CAB39: variants seen among roughly 807,000 people sequenced by gnomAD.
CAB39 encodes the protein calcium binding protein 39, also known as calcium-binding protein 39.
CAB39 carries 8 observed loss-of-function variants against 40.0 expected under a neutral mutation model. That is an observed-to-expected ratio of 0.20 (90% CI 0.12 to 0.36). The LOEUF is 0.36. CAB39 is among the 10% of genes least tolerant of loss of function. CAB39 has a pLI of 1.00. For synonymous variants in CAB39, 156 were observed against 141.6 expected, an observed-to-expected ratio of 1.10 and a Z score of -0.72; for missense variants, 270 against 401.1, an observed-to-expected ratio of 0.67 and a Z score of 2.79.
intron 1 of CAB39, among the ~76,000 whole-genome samples, chr2:230,731,904 C>T (rs1224001882): frequency 2.0e-5 from 3 of 152,150 alleles, no homozygotes; most frequent in African/African-American, 7.2e-5. Flanking sequence ...TTAGCTTTTT[C>T]GAACTTCGTG....
intron 2 of CAB39, among the ~76,000 whole-genome samples, chr2:230,782,161 C>G (rs1025426221): frequency 6.6e-6 from 1 of 152,196 alleles, no homozygotes. Flanking sequence ...CCACCACTCC[C>G]GGCCACAACC....
At chr2:230,743,754 ACTG>A (rs1694924249) in intron 1 of CAB39, among the ~76,000 whole-genome samples, 1 of 152,150 alleles carries the variant, frequency 6.6e-6, no homozygotes, top group Non-Finnish European at 1.5e-5. Flanking sequence ...ACATTTGAAA[ACTG>A]CTGATTGGGG....
chr2:230,759,075 C>G (rs1196976642), intron 1 of CAB39, among the ~76,000 whole-genome samples: 1 of 152,188 alleles, frequency 6.6e-6, no homozygotes, highest in African/African-American at 2.4e-5. Flanking sequence ...TTAAGAACTT[C>G]TAGAAGTTCA....
chr2:230,818,070 C>T lies in CAB39; in HGVS notation c.837+173C>T, dbSNP rs572022486. ...TTAAACAGAAAGGTAGACCTGGAAA[C>T]GGGTTACTGTTTGGATCTGGGAACG... is the stretch of plus-strand genomic sequence containing the variant. On this transcript the variant is annotated intron_variant, in intron 8 of 8. Transcript: ENST00000258418. 3.7e-5 allele frequency: 22 copies of T among 593,490 alleles called. 1 individual carries two copies. The South Asian group carries it at 4.3e-4, about 11-fold the overall frequency. The allele number at this position is 593,490 out of a possible 1,614,324, so 36.8% of individuals were successfully genotyped here.
chr2:230,754,102 G>A (rs1695137821), intron 1 of CAB39, among the ~76,000 whole-genome samples: 1 of 152,144 alleles, frequency 6.6e-6, no homozygotes, highest in Non-Finnish European at 1.5e-5. Flanking sequence ...GCTGTGAGTT[G>A]GAGATAGGTA....
At chr2:230,780,242 A>G (rs72995219) in intron 2 of CAB39, among the ~76,000 whole-genome samples, 268 of 152,356 alleles carry the variant, frequency 1.8e-3, no homozygotes, top group Non-Finnish European at 3.0e-3. Flanking sequence ...AAGATTATTG[A>G]TGAACTTATC....
chr2:230,800,586 G>A (rs1696072428), intron 5 of CAB39, among the ~76,000 whole-genome samples: 1 of 152,192 alleles, frequency 6.6e-6, no homozygotes, highest in Non-Finnish European at 1.5e-5. Context: ...TGCCATGAAG[G>A]GCGGTGTAGC....
chr2:230,786,188 AGAGAT>A (rs1301218988), intron 2 of CAB39, among the ~76,000 whole-genome samples: 2 of 146,706 alleles, frequency 1.4e-5, no homozygotes, highest in Non-Finnish European at 1.5e-5. Flanking sequence ...AAAAAAAAAA[AGAGAT>A]GGAGTCTCAC....
Position 230,791,030 on chromosome 2 carries a change from CTT to C in CAB39, c.275_276del (p.Phe92Ter). 1 of 1,578,364 alleles carries C rather than the reference CTT, an allele frequency of 6.3e-7. No individual in the cohort carries two copies. The highest frequency in any genetic ancestry group is 8.6e-7 in the Non-Finnish European group (1 of 1,167,808). On this transcript the variant is annotated frameshift_variant, in exon 3 of 9. Coordinates refer to ENST00000258418, the MANE Select transcript of CAB39 (RefSeq NM_016289.4). LOFTEE classifies it high-confidence loss of function. ...TLVADLQLID[F>X]EGKKDVAQIF... ...TGGTAGCTGATTTACAGCTCATTGA[CTT>C]TGAGGTAAGAAATCAATTTCTTATT...
chr2:230,805,692 AG>A (rs1696180458), intron 5 of CAB39, among the ~76,000 whole-genome samples: 1 of 152,252 alleles, frequency 6.6e-6, no homozygotes, highest in Non-Finnish European at 1.5e-5. Flanking sequence ...CATCACAACA[AG>A]GATATGCTAG....
chr2:230,725,079 A>T, intron 1 of CAB39: 4 of 1,542,840 alleles, frequency 2.6e-6, no homozygotes, highest in Non-Finnish European at 3.6e-6. Flanking sequence ...AGGACAGGGG[A>T]GGAGTCCCTA....
chr2:230,763,070 A>T (rs1356100761), intron 2 of CAB39, among the ~76,000 whole-genome samples: 2 of 152,242 alleles, frequency 1.3e-5, no homozygotes, highest in Non-Finnish European at 2.9e-5. Flanking sequence ...AAATTTAACA[A>T]TATTTATTAA....
At chr2:230,727,418 T>G (rs1329317673) in intron 1 of CAB39, among the ~76,000 whole-genome samples, 1 of 141,908 alleles carries the variant, frequency 7.0e-6, no homozygotes, top group African/African-American at 2.6e-5. Flanking sequence ...TTCTTTTTCT[T>G]TTTTTTTTTT....
At chr2:230,815,317 G>A (rs1198205068) in intron 7 of CAB39, among the ~76,000 whole-genome samples, 4 of 152,352 alleles carry the variant, frequency 2.6e-5, no homozygotes, top group African/African-American at 9.6e-5. Context: ...CTGGCTTAGA[G>A]GATCATTTGC....
chr2:230,801,827 C>T (rs1056404960), intron 5 of CAB39, among the ~76,000 whole-genome samples: 5 of 151,572 alleles, frequency 3.3e-5, no homozygotes, highest in African/African-American at 1.2e-4. Context: ...CGAGATCACT[C>T]CACTGCACTC....
intron 5 of CAB39, among the ~76,000 whole-genome samples, chr2:230,809,218 T>C (rs1262661601): frequency 1.3e-5 from 2 of 152,144 alleles, no homozygotes; most frequent in Non-Finnish European, 2.9e-5. Context: ...GAGTGAGCTG[T>C]GGCACTTCCC....
At chr2:230,762,912 G>A (rs570192180) in intron 2 of CAB39, among the ~76,000 whole-genome samples, 1 of 152,298 alleles carries the variant, frequency 6.6e-6, no homozygotes, top group African/African-American at 2.4e-5. Context: ...GCAATAGAAT[G>A]TACTGATGTG....
rs201795279 is a variant in CAB39, at chr2:230,817,912, G to A, written c.837+15G>A. On this transcript the variant is annotated intron_variant, in intron 8 of 8. Coordinates refer to ENST00000258418, the MANE Select transcript of CAB39 (RefSeq NM_016289.4). ...ACGTTTTTAAGGTAGAGTACTAGAA[G>A]CATCAGTGATACTGTCCACTGGAAT... 42 of 1,603,478 alleles carry A rather than the reference G, an allele frequency of 2.6e-5. No individual in the cohort carries two copies. The East Asian group carries it at 8.9e-4, about 34-fold the overall frequency.
rs1311313902 is a variant in CAB39 at position 230,820,162 on chromosome 2, T to A, written c.*1458T>A. 6.6e-6 allele frequency: 1 copy of A among 152,654 alleles called. No homozygotes were observed. Among genetic ancestry groups the A allele is most frequent in the Admixed American group, 6.5e-5 (1 of 15,280 alleles). The allele number at this position is 152,654 out of a possible 1,614,324, so 9.5% of individuals were successfully genotyped here. On this transcript the variant is annotated 3_prime_UTR_variant, in exon 9 of 9. Coordinates refer to ENST00000258418, the MANE Select transcript of CAB39 (RefSeq NM_016289.4). Reference sequence around the variant, plus strand: ...ATGGTATCTGTTCATTTTAGTGATATGAAGATCACAACTAACAACTGACAA... The same window carrying A: ...ATGGTATCTGTTCATTTTAGTGATAAGAAGATCACAACTAACAACTGACAA...
Sources: gnomAD v4.1 joint callset for allele counts (sites outside exome capture counted in the v4.1 genomes callset) on GRCh38, gnomAD v4.1.1 for gene constraint, MANE v1.5 for transcripts, NCBI Gene and HGNC (gene_info 2026-07-23, HGNC 2026-07-21) for gene names.